The following MBL2 variants were observed in gnomAD, a reference collection of about 807,000 sequenced individuals.
MBL2 encodes mannose binding lectin 2.
MBL2 carries 6 observed loss-of-function variants against 12.7 expected under a neutral mutation model. The ratio of observed to expected loss-of-function variants is 0.47; its 90% CI spans 0.26 to 0.94. The LOEUF (loss-of-function observed/expected upper bound fraction) is 0.94, where lower values mean the gene tolerates loss of function less well. MBL2 is among the 40% of genes least tolerant of loss of function. The pLI is 0.15. For synonymous variants in MBL2, 114 were observed against 112.0 expected, an observed-to-expected ratio of 1.02 and a Z score of -0.11; for missense variants, 307 against 295.2, an observed-to-expected ratio of 1.04 and a Z score of -0.29.
chr10:52,768,047 G>A lies in MBL2; in HGVS notation c.*90C>T, dbSNP rs536961249. On this transcript the variant is annotated 3_prime_UTR_variant, in exon 5 of 5. Transcript: ENST00000674931. ...CCACAAAAGGAACAATACTGGATATGAGGAAATTGATATAATTTATCTTTT... is the reference window on the plus strand; with the variant it reads ...CCACAAAAGGAACAATACTGGATATAAGGAAATTGATATAATTTATCTTTT... The A allele has an allele frequency of 8.2e-6, 12 of 1,468,718 alleles. No homozygotes were observed. In the East Asian group the frequency reaches 2.3e-4, roughly 28 times the overall value. 91.0% of individuals were successfully genotyped at this position (1,468,718 alleles called of 1,614,324 possible).
In MBL2 at chr10:52,766,805, A is replaced by G. The variant is rs1840311530; in HGVS notation, c.*1332T>C. 1 of 150,708 alleles carries G rather than the reference A, an allele frequency of 6.6e-6. No homozygotes were observed. Among genetic ancestry groups the G allele is most frequent in the Non-Finnish European group, 1.5e-5 (1 of 68,018 alleles). The allele number at this position is 150,708 out of a possible 1,614,324, so 9.3% of individuals were successfully genotyped here. A position where few individuals can be genotyped will look rare whatever the true frequency, so the allele number is the denominator to read the frequency against. ...TAAAAATAACTTAAAAATCAGTAAGAAAAATATTGGCTAACTAATTTAAAC... is the reference window on the plus strand; with the variant it reads ...TAAAAATAACTTAAAAATCAGTAAGGAAAATATTGGCTAACTAATTTAAAC... On this transcript the variant is annotated 3_prime_UTR_variant, in exon 5 of 5. Coordinates refer to ENST00000674931, the MANE Select transcript of MBL2 (RefSeq NM_001378373.1).
intron 1 of MBL2, 88 bp from the exon 2 acceptor site, chr10:52,771,732 A>G (rs968205007): frequency 2.4e-5 from 35 of 1,476,134 alleles, no homozygotes; most frequent in Non-Finnish European, 3.1e-5. Flanking sequence ...ATCTGGGTGC[A>G]GGCTATATAG....
In MBL2 at chr10:52,767,503, G is replaced by A. The variant is rs1317519135; in HGVS notation, c.*634C>T. Reference sequence around the variant, plus strand: ...TAGTACTAGGAGGAGTTATAACGGGGCTTCTAGGGAGTCAAAAATGTCCCA... The same window carrying A: ...TAGTACTAGGAGGAGTTATAACGGGACTTCTAGGGAGTCAAAAATGTCCCA... On this transcript the variant is annotated 3_prime_UTR_variant, in exon 5 of 5. Coordinates refer to ENST00000674931, the MANE Select transcript of MBL2 (RefSeq NM_001378373.1). 2 of 151,920 alleles carry A rather than the reference G, an allele frequency of 1.3e-5. No homozygotes were observed. Among genetic ancestry groups the A allele is most frequent in the South Asian group, 2.1e-4 (1 of 4,838 alleles). 9.4% of individuals were successfully genotyped at this position (151,920 alleles called of 1,614,324 possible). A position where few individuals can be genotyped will look rare whatever the true frequency, so the allele number is the denominator to read the frequency against.
chr10:52,767,891 G>A lies in MBL2; in HGVS notation c.*246C>T, dbSNP rs536950074. The A allele has an allele frequency of 1.0e-4, 35 of 342,748 alleles. No individual in the cohort carries two copies. Among genetic ancestry groups the A allele is most frequent in the African/African-American group, 7.0e-4 (33 of 47,178 alleles). The allele number at this position is 342,748 out of a possible 1,614,324, so 21.2% of individuals were successfully genotyped here. A position where few individuals can be genotyped will look rare whatever the true frequency, so the allele number is the denominator to read the frequency against. On this transcript the variant is annotated 3_prime_UTR_variant, in exon 5 of 5. Transcript: ENST00000674931. ...TTAAACTAGATAATTAATGTAGGAT[G>A]CAAAAGATAGGGCCTCATAGTATAT...
Position 52,767,690 on chromosome 10 carries a change from C to G in MBL2, c.*447G>C, listed in dbSNP as rs374583038. The G allele has an allele frequency of 2.2e-3, 338 of 152,490 alleles. 1 individual carries two copies. The highest frequency in any genetic ancestry group is 3.5e-3 in the Non-Finnish European group (238 of 68,382). 9.4% of individuals were successfully genotyped at this position (152,490 alleles called of 1,614,324 possible). On this transcript the variant is annotated 3_prime_UTR_variant, in exon 5 of 5. Coordinates refer to ENST00000674931, the MANE Select transcript of MBL2 (RefSeq NM_001378373.1). ...GTTACAAAATAGATTTTCTTAATAC[C>G]TGAAACTTGGTAAAAAGCTGTGGTA...
At chr10:52,772,179 A>G (rs1161794653) in intron 1 of MBL2, among the ~76,000 whole-genome samples, 1 of 152,156 alleles carries the variant, frequency 6.6e-6, no homozygotes, top group Non-Finnish European at 1.5e-5. Flanking sequence ...GAAGGTCTCA[A>G]CCTCAGATCA....
chr10:52,769,433 G>GT (rs1282318041), intron 3 of MBL2, 118 bp from the exon 4 acceptor site: 2 of 611,036 alleles, frequency 3.3e-6, no homozygotes, highest in African/African-American at 3.8e-5. Context: ...TTACATTGAT[G>GT]TTTACACTTT....
chr10:52,770,802 G>A lies in MBL2; in HGVS notation c.188-16C>T. 7.5e-7 allele frequency: 1 copy of A among 1,334,600 alleles called. No homozygotes were observed. Among genetic ancestry groups the A allele is most frequent in the Non-Finnish European group, 1.0e-6 (1 of 1,002,452 alleles). 82.7% of individuals were successfully genotyped at this position (1,334,600 alleles called of 1,614,324 possible). A position where few individuals can be genotyped will look rare whatever the true frequency, so the allele number is the denominator to read the frequency against. On this transcript the variant is annotated splice_polypyrimidine_tract_variant and intron_variant, in intron 2 of 4. Transcript: ENST00000674931. ...AGCCCTTGGCCTGTTGGAAGACAAAGGAAATGTGACTTAATATCTATGTTC... is the reference window on the plus strand; with the variant it reads ...AGCCCTTGGCCTGTTGGAAGACAAAAGAAATGTGACTTAATATCTATGTTC...
intron 1 of MBL2, among the ~76,000 whole-genome samples, chr10:52,772,261 T>C (rs1296137899): frequency 6.6e-6 from 1 of 152,188 alleles, no homozygotes; most frequent in Admixed American, 6.5e-5. Flanking sequence ...TTAGACAGGC[T>C]TGCCTGGGTA....
intron 4 of MBL2, among the ~76,000 whole-genome samples, 197 bp from the exon 5 acceptor site, chr10:52,768,707 T>G (rs1006707590): frequency 1.3e-5 from 2 of 152,062 alleles, no homozygotes; most frequent in African/African-American, 4.8e-5. Context: ...AAAAATGTTT[T>G]TCAGCTGAAA....
rs1489304828 is a variant in MBL2 at position 52,766,655 on chromosome 10, A to C, written c.*1482T>G. On this transcript the variant is annotated 3_prime_UTR_variant, in exon 5 of 5. Coordinates refer to ENST00000674931, the MANE Select transcript of MBL2 (RefSeq NM_001378373.1). ...ACACAAAAAGCACTAATTTTGAAAGAAAATATGAATAAATAAGACTTTCTC... is the reference window on the plus strand; with the variant it reads ...ACACAAAAAGCACTAATTTTGAAAGCAAATATGAATAAATAAGACTTTCTC... 2.0e-5 allele frequency: 3 copies of C among 152,206 alleles called. No homozygotes were observed. Among genetic ancestry groups the C allele is most frequent in the African/African-American group, 7.2e-5 (3 of 41,468 alleles). 9.4% of individuals were successfully genotyped at this position (152,206 alleles called of 1,614,324 possible).
chr10:52,769,404 C>T (rs930044939), intron 3 of MBL2, 89 bp from the exon 4 acceptor site: 1 of 674,864 alleles, frequency 1.5e-6, no homozygotes, highest in Non-Finnish European at 2.5e-6. Flanking sequence ...CTTTTTCAAA[C>T]TGAAAAAAAA....
Position 52,768,036 on chromosome 10 carries a change from A to G in MBL2, c.*101T>C. On this transcript the variant is annotated 3_prime_UTR_variant, in exon 5 of 5. Coordinates refer to ENST00000674931, the MANE Select transcript of MBL2 (RefSeq NM_001378373.1). ...TTAGTGATTGCCCACAAAAGGAACAATACTGGATATGAGGAAATTGATATA... is the reference window on the plus strand; with the variant it reads ...TTAGTGATTGCCCACAAAAGGAACAGTACTGGATATGAGGAAATTGATATA... The G allele has an allele frequency of 7.0e-7, 1 of 1,438,844 alleles. No individual in the cohort carries two copies. The highest frequency in any genetic ancestry group is 2.3e-5 in the East Asian group (1 of 43,440). 89.1% of individuals were successfully genotyped at this position (1,438,844 alleles called of 1,614,324 possible).
In MBL2 at chr10:52,770,761, G is replaced by A. The variant is rs1296606481; in HGVS notation, c.213C>T (p.Gly71=). The part of the protein sequence containing the change: ...EPGQGLRGLQ[G]PPGKLGPPGN... ...CTGGAGGCCCCAACTTTCCAGGGGG[G>A]CCCTGTAAGCCTCTGAGCCCTTGGC... The change falls in exon 3 of 5, where the codon GGC becomes GGT. Residue 71 remains glycine (G), a synonymous_variant. Coordinates refer to ENST00000674931, the MANE Select transcript of MBL2 (RefSeq NM_001378373.1). 5.3e-6 allele frequency: 8 copies of A among 1,503,366 alleles called. No individual in the cohort carries two copies. Among genetic ancestry groups the A allele is most frequent in the Admixed American group, 2.1e-5 (1 of 48,532 alleles). The allele number at this position is 1,503,366 out of a possible 1,614,324, so 93.1% of individuals were successfully genotyped here.
At chr10:52,769,110 G>T in intron 4 of MBL2, 137 bp downstream of exon 4, 1 of 607,830 alleles carries the variant, frequency 1.6e-6, no homozygotes. Context: ...CTACCAAAAT[G>T]TTGTGAGAAT....
Position 52,770,734 on chromosome 10 carries a change from T to G in MBL2, c.240A>C (p.Gly80=). 1 of 1,524,056 alleles carries G rather than the reference T, an allele frequency of 6.6e-7. No individual in the cohort carries two copies. Among genetic ancestry groups the G allele is most frequent in the Non-Finnish European group, 8.9e-7 (1 of 1,128,638 alleles). 94.4% of individuals were successfully genotyped at this position (1,524,056 alleles called of 1,614,324 possible). Residue 80 remains glycine (G), a synonymous_variant, in exon 3 of 5, where the codon GGA becomes GGC. Transcript: ENST00000674931. The stretch of plus-strand genomic sequence containing the variant: ...CTGGTGACCCAGAAGGCCCTGGATT[T>G]CCTGGAGGCCCCAACTTTCCAGGGG... The part of the protein sequence containing the change: ...QGPPGKLGPP[G]NPGPSGSPGP...
chr10:52,768,218 A>C lies in MBL2; in HGVS notation c.666T>G (p.Cys222Trp). ...EPNNAGSDED[C>W]VLLLKNGQWN... ...ACTGGCCATTTTTCAGTAGCAATAC[A>C]CAATCTTCATCAGAACCAGCATTGT... is the stretch of plus-strand genomic sequence containing the variant. The change falls in exon 5 of 5, where the codon TGT (cysteine) becomes TGG (tryptophan). Residue 222 changes from cysteine (C) to tryptophan (W), a missense_variant. Cys to Trp is a radical substitution (Grantham distance 215). Coordinates refer to ENST00000674931, the MANE Select transcript of MBL2 (RefSeq NM_001378373.1). 1 of 1,613,866 alleles carries C rather than the reference A, an allele frequency of 6.2e-7. No homozygotes were observed. The highest frequency in any genetic ancestry group is 8.5e-7 in the Non-Finnish European group (1 of 1,180,012).
intron 1 of MBL2, 49 bp from the exon 2 acceptor site, chr10:52,771,693 T>C (rs1840396244): frequency 2.6e-6 from 4 of 1,559,270 alleles, no homozygotes; most frequent in Admixed American, 1.9e-5. Context: ...AATGAACACA[T>C]ATTTACCGAG....
chr10:52,771,420 T>C (rs768210088), intron 2 of MBL2, 29 bp downstream of exon 2: 1 of 1,607,328 alleles, frequency 6.2e-7, no homozygotes, highest in East Asian at 2.2e-5. Context: ...AGGTAAAGAA[T>C]TGCAGAGACA....
Sources: allele counts gnomAD v4.1 joint callset (sites outside exome capture counted in the v4.1 genomes callset), GRCh38; gene constraint gnomAD v4.1.1; transcripts MANE v1.5; gene names NCBI Gene and HGNC (gene_info 2026-07-23, HGNC 2026-07-21).